The following ADISSP variants were observed in gnomAD, a reference collection of about 807,000 sequenced individuals.
ADISSP encodes the protein adipose-secreted signaling protein.
chr20:3,754,107 G>C, the ADISSP span: 1 of 1,613,554 alleles, frequency 6.2e-7, no homozygotes, highest in South Asian at 1.1e-5. Context: ...TTCCAGCTCG[G>C]CGCCCACACA....
chr20:3,754,574 C>T, the ADISSP span: 1 of 1,587,190 alleles, frequency 6.3e-7, no homozygotes, highest in Non-Finnish European at 8.6e-7. Flanking sequence ...CCCGATCCTG[C>T]CCCTGGCACT....
At chr20:3,761,526 G>C in the ADISSP span, among the ~76,000 whole-genome samples, 1 of 152,136 alleles carries the variant, frequency 6.6e-6, no homozygotes, top group Non-Finnish European at 1.5e-5. Flanking sequence ...AGTAGAGACA[G>C]GGTTTCACCA....
At chr20:3,755,805 C>T in the ADISSP span, among the ~76,000 whole-genome samples, 2 of 152,112 alleles carry the variant, frequency 1.3e-5, no homozygotes, top group African/African-American at 4.8e-5. Context: ...CCTTGAGGGT[C>T]CCAGCCCTAC....
chr20:3,764,098 G>A, the ADISSP span, among the ~76,000 whole-genome samples: 1 of 152,230 alleles, frequency 6.6e-6, no homozygotes, highest in African/African-American at 2.4e-5. Flanking sequence ...CTTGTCCCCA[G>A]GGAACTTGGT....
the ADISSP span, chr20:3,768,276 G>A: frequency 6.6e-6 from 1 of 152,302 alleles, no homozygotes; most frequent in Admixed American, 6.5e-5. Context: ...TTCGACCCCA[G>A]GGTTTGGACC....
chr20:3,759,469 A>G, the ADISSP span, among the ~76,000 whole-genome samples: 7 of 152,218 alleles, frequency 4.6e-5, 1 homozygote, highest in South Asian at 1.4e-3. This position sits in a 1 kb window ranked among gnomAD's most constrained non-coding sequence, Gnocchi z 4.6. Context: ...CTCAGGCTGT[A>G]GAGGCCGAGA....
chr20:3,761,014 C>T, the ADISSP span, among the ~76,000 whole-genome samples: 1 of 152,206 alleles, frequency 6.6e-6, no homozygotes, highest in Non-Finnish European at 1.5e-5. Context: ...CCCTCAAAAG[C>T]CCTCATTTGT....
the ADISSP span, chr20:3,760,199 G>C: frequency 9.8e-7 from 1 of 1,022,022 alleles, no homozygotes; most frequent in South Asian, 1.4e-5. Flanking sequence ...GAAGGATAGG[G>C]AGTGGGGAGG....
the ADISSP span, among the ~76,000 whole-genome samples, chr20:3,759,750 T>TC: frequency 6.6e-6 from 1 of 151,926 alleles, no homozygotes; most frequent in Non-Finnish European, 1.5e-5. This position sits in a 1 kb window ranked among gnomAD's most constrained non-coding sequence, Gnocchi z 4.6. Flanking sequence ...GCTGTGGCCC[T>TC]CCCACATCAC....
the ADISSP span, among the ~76,000 whole-genome samples, chr20:3,762,537 A>C: frequency 6.6e-6 from 1 of 152,126 alleles, no homozygotes; most frequent in African/African-American, 2.4e-5. Context: ...TGCCCGGCTA[A>C]TTTTTGTAGA....
chr20:3,761,807 A>G, the ADISSP span, among the ~76,000 whole-genome samples: 1 of 152,200 alleles, frequency 6.6e-6, no homozygotes, highest in Non-Finnish European at 1.5e-5. Context: ...ATTCCTGCCA[A>G]AAAGGTTTAA....
the ADISSP span, chr20:3,758,634 C>A: frequency 2.5e-6 from 4 of 1,613,930 alleles, no homozygotes; most frequent in African/African-American, 5.3e-5. This position sits in a 1 kb window ranked among gnomAD's most constrained non-coding sequence, Gnocchi z 5.5. Flanking sequence ...CCTTCTGCAT[C>A]GTGGCCTGCC....
At chr20:3,759,825 CAA>C in the ADISSP span, among the ~76,000 whole-genome samples, 217 of 152,296 alleles carry the variant, frequency 1.4e-3, no homozygotes, top group Admixed American at 2.4e-3. The surrounding 1 kb of genome is among the most constrained non-coding windows in gnomAD (Gnocchi z 4.6). Flanking sequence ...GGCAGGGACA[CAA>C]GAGCACACAC....
chr20:3,759,761 C>T, the ADISSP span, among the ~76,000 whole-genome samples: 1 of 152,124 alleles, frequency 6.6e-6, no homozygotes, highest in Non-Finnish European at 1.5e-5. This position sits in a 1 kb window ranked among gnomAD's most constrained non-coding sequence, Gnocchi z 4.6. Context: ...CCCACATCAC[C>T]AGTCTCAGTG....
At chr20:3,754,415 C>T in the ADISSP span, 7 of 1,613,788 alleles carry the variant, frequency 4.3e-6, no homozygotes, top group African/African-American at 9.3e-5. Context: ...CGGGCCTGCA[C>T]CGTCACGCGC....
the ADISSP span, chr20:3,758,438 G>T: frequency 8.9e-7 from 1 of 1,117,724 alleles, no homozygotes; most frequent in Non-Finnish European, 1.3e-6. The surrounding 1 kb of genome is among the most constrained non-coding windows in gnomAD (Gnocchi z 5.5). Context: ...GCACAGACAT[G>T]CCTATAAGCC....
At chr20:3,753,739 T>A in the ADISSP span, 2 of 413,252 alleles carry the variant, frequency 4.8e-6, no homozygotes, top group South Asian at 2.6e-5. Flanking sequence ...CTGGTGGGAG[T>A]CCCTGTGGCT....
chr20:3,762,016 G>A, the ADISSP span, among the ~76,000 whole-genome samples: 1 of 152,180 alleles, frequency 6.6e-6, no homozygotes, highest in South Asian at 2.1e-4. Flanking sequence ...GGCTGGGAAC[G>A]GTGGCTCACG....
the ADISSP span, chr20:3,754,399 A>G: frequency 2.5e-6 from 4 of 1,612,212 alleles, no homozygotes; most frequent in Non-Finnish European, 3.4e-6. Flanking sequence ...GCTCTCACCC[A>G]TGACGCGGGC....
Sources: allele counts gnomAD v4.1 joint callset (sites outside exome capture counted in the v4.1 genomes callset), GRCh38; gene constraint gnomAD v4.1.1; non-coding constraint Gnocchi (gnomAD v3.1); transcripts MANE v1.5; gene names NCBI Gene and HGNC (gene_info 2026-07-23, HGNC 2026-07-21).